The following CPLANE1 variants were observed in gnomAD, a reference collection of about 807,000 sequenced individuals.
CPLANE1 encodes ciliogenesis and planar polarity effector complex subunit 1.
In CPLANE1, 263 loss-of-function variants were observed where a neutral mutation model predicts 362.5. The ratio of observed to expected loss-of-function variants is 0.73; its 90% CI spans 0.66 to 0.80. CPLANE1 has a LOEUF of 0.80. CPLANE1 is among the 30% of genes least tolerant of loss of function. The probability of loss-of-function intolerance (pLI) is 0.00; values close to 1 mark genes in which losing one functional copy is unlikely to be tolerated. For missense variants in CPLANE1, 3,461 were observed against 3,793.4 expected, an observed-to-expected ratio of 0.91 and a Z score of 2.30; for synonymous variants, 1,212 against 1,302.6, an observed-to-expected ratio of 0.93 and a Z score of 1.50.
chr5:37,168,741 A>C (rs1477160771), intron 34 of CPLANE1, 50 bp downstream of exon 34: 1 of 1,495,102 alleles, frequency 6.7e-7, no homozygotes, highest in Admixed American at 1.9e-5. Flanking sequence ...ATGGTATGAA[A>C]AAAATAGTGC....
intron 29 of CPLANE1, among the ~76,000 whole-genome samples, chr5:37,178,617 A>G (rs1781851666): frequency 1.3e-5 from 2 of 151,972 alleles, no homozygotes; most frequent in Non-Finnish European, 2.9e-5. Context: ...TCATCTCGAA[A>G]AAAAAAAACA....
chr5:37,210,549 C>A, intron 16 of CPLANE1: 1 of 1,488,902 alleles, frequency 6.7e-7, no homozygotes, highest in Non-Finnish European at 9.3e-7. Context: ...AAAGGAGGAA[C>A]TCAATCAATC....
chr5:37,190,087 G>A (rs1392444533), intron 21 of CPLANE1, among the ~76,000 whole-genome samples: 1 of 152,042 alleles, frequency 6.6e-6, no homozygotes, highest in Non-Finnish European at 1.5e-5. Context: ...CTTCATATGG[G>A]TGTGTGCATG....
Position 37,187,835 on chromosome 5 carries a change from G to A in CPLANE1, c.3819C>T (p.Phe1273=). ...DEVSIRAIGC[F]RELCALCWML... ...TCCAACACAGAGCACAAAGTTCTCT[G>A]AAGCAACCTAAAGCAGGAACACAAA... Residue 1273 remains phenylalanine, a synonymous_variant, in exon 22 of 53, where the codon TTC becomes TTT. Coordinates refer to ENST00000651892, the MANE Select transcript of CPLANE1 (RefSeq NM_001384732.1). 6.2e-7 allele frequency: 1 copy of A among 1,611,880 alleles called. No homozygotes were observed. Among genetic ancestry groups the A allele is most frequent in the Non-Finnish European group, 8.5e-7 (1 of 1,178,726 alleles).
intron 46 of CPLANE1, among the ~76,000 whole-genome samples, chr5:37,134,773 T>A (rs1767086002): frequency 6.6e-6 from 1 of 151,952 alleles, no homozygotes; most frequent in Admixed American, 6.6e-5. Flanking sequence ...GATATAGGTG[T>A]TTAGTGCTAT....
intron 43 of CPLANE1, among the ~76,000 whole-genome samples, chr5:37,147,105 T>A (rs775604420): frequency 5.3e-4 from 81 of 152,176 alleles, no homozygotes; most frequent in Non-Finnish European, 9.0e-4. Context: ...TCAAGCTGAC[T>A]AATCAGAAAA....
At chr5:37,139,678 A>T (rs1247172644) in intron 44 of CPLANE1, 5 of 373,060 alleles carry the variant, frequency 1.3e-5, no homozygotes, top group African/African-American at 1.1e-4. Flanking sequence ...AACCTCCTGA[A>T]TGGCTGGGAT....
intron 16 of CPLANE1, chr5:37,211,225 C>A: frequency 6.8e-7 from 1 of 1,478,316 alleles, no homozygotes; most frequent in Non-Finnish European, 9.5e-7. Flanking sequence ...GGTAGTTCCC[C>A]TGATTCTGAC....
At position 37,153,731 on chromosome 5, in the gene CPLANE1, G is replaced by A. The variant is rs1580221707; in HGVS notation, c.8373+9C>T. 6.3e-7 allele frequency: 1 copy of A among 1,596,618 alleles called. No homozygotes were observed. On this transcript the variant is annotated intron_variant, in intron 42 of 52. Coordinates refer to ENST00000651892, the MANE Select transcript of CPLANE1 (RefSeq NM_001384732.1). Reference sequence around the variant, plus strand: ...AGCAAACAAAAAACTAAAAATAAAGGTAGTCTACCTTATCACAATGTAGAT... The same window carrying A: ...AGCAAACAAAAAACTAAAAATAAAGATAGTCTACCTTATCACAATGTAGAT...
At chr5:37,213,954 C>T (rs928959880) in intron 15 of CPLANE1, among the ~76,000 whole-genome samples, 2 of 151,962 alleles carry the variant, frequency 1.3e-5, no homozygotes, top group African/African-American at 4.8e-5. Flanking sequence ...GTTTGAACTG[C>T]ATAAATCCAC....
intron 46 of CPLANE1, among the ~76,000 whole-genome samples, chr5:37,136,100 T>C (rs1767633955): frequency 6.6e-6 from 1 of 152,110 alleles, no homozygotes; most frequent in African/African-American, 2.4e-5. Flanking sequence ...CATTCTAGCA[T>C]TAACTCAAAA....
chr5:37,205,549 C>A (rs6878453), intron 17 of CPLANE1, 95 bp from the exon 18 acceptor site: 22 of 833,196 alleles, frequency 2.6e-5, no homozygotes, highest in Non-Finnish European at 3.6e-5. Flanking sequence ...GTTTAAGAAA[C>A]AATGGAATTT....
intron 23 of CPLANE1, among the ~76,000 whole-genome samples, 157 bp from the exon 24 acceptor site, chr5:37,186,551 A>C (rs930451265): frequency 1.3e-5 from 2 of 152,208 alleles, no homozygotes; most frequent in Admixed American, 6.5e-5. Flanking sequence ...CTGTCTGCTA[A>C]TAGGAGTTTA....
chr5:37,172,563 T>G (rs1263536504), intron 32 of CPLANE1, among the ~76,000 whole-genome samples: 1 of 152,118 alleles, frequency 6.6e-6, no homozygotes, highest in Admixed American at 6.5e-5. Flanking sequence ...GTAGAATCAG[T>G]GGTGCTACTA....
chr5:37,239,789 G>A lies in CPLANE1; in HGVS notation c.758C>T (p.Ser253Leu), dbSNP rs370977871. 4.3e-5 allele frequency: 67 copies of A among 1,547,144 alleles called. No individual in the cohort carries two copies. The highest frequency in any genetic ancestry group is 6.8e-5 in the African/African-American group (5 of 73,078). ...SLIPKCESVK[S>L]RGALISAFSR... ...AAAGGCAGAAATTAGAGCTCCTCTT[G>A]ACTTTACTGATTCACATTTAGGAAT... The change falls in exon 7 of 53, where the codon TCA becomes TTA. Residue 253 changes from serine to leucine, a missense_variant. Physicochemically the swap from Ser to Leu is moderately radical, Grantham distance 145. This residue lies in a region of CPLANE1 where 3,380 missense variants were observed against 3,666.1 expected (regional missense o/e 0.92). Coordinates refer to ENST00000651892, the MANE Select transcript of CPLANE1 (RefSeq NM_001384732.1).
chr5:37,157,301 T>C lies in CPLANE1; in HGVS notation c.8119+12A>G, dbSNP rs1452548751. The C allele has an allele frequency of 7.4e-7, 1 of 1,343,568 alleles. No homozygotes were observed. The highest frequency in any genetic ancestry group is 4.5e-5 in the East Asian group (1 of 22,432). The allele number at this position is 1,343,568 out of a possible 1,614,324, so 83.2% of individuals were successfully genotyped here. A position where few individuals can be genotyped will look rare whatever the true frequency, so the allele number is the denominator to read the frequency against. ...TCAGGAGAGGGTCATGCTATACCTC[T>C]TGGCTGTTTACCTTTGTTCTGCTGT... is the stretch of plus-strand genomic sequence containing the variant. On this transcript the variant is annotated intron_variant, in intron 41 of 52. Transcript: ENST00000651892.
rs529885756 is a variant in CPLANE1, at chr5:37,110,803, C to CTT, written c.9401-2334_9401-2333dup. Among the ~76,000 whole-genome samples the CTT allele has an allele frequency of 6.7e-3, 842 of 124,980 alleles. 15 individuals are homozygous for CTT. The highest frequency in any genetic ancestry group is 0.019 in the African/African-American group (615 of 32,778). The allele number at this position is 124,980 out of a possible 152,430, so 82.0% of individuals were successfully genotyped here. Reference sequence around the variant, plus strand: ...CCCAGAACCTGGGCTAATGTATTAACTTTTTTTTTTTTTTTTTTTTTTGAG... The same window carrying CTT: ...CCCAGAACCTGGGCTAATGTATTAACTTTTTTTTTTTTTTTTTTTTTTTTGAG... On this transcript the variant is annotated intron_variant, in intron 51 of 52. Coordinates refer to ENST00000651892, the MANE Select transcript of CPLANE1 (RefSeq NM_001384732.1).
At chr5:37,205,561 C>CT (rs1352323646) in intron 17 of CPLANE1, 107 bp from the exon 18 acceptor site, 67 of 741,616 alleles carry the variant, frequency 9.0e-5, no homozygotes, top group Middle Eastern at 2.8e-4. Context: ...ATGGAATTTA[C>CT]TTTTTTATCT....
In CPLANE1 at chr5:37,224,721, T is replaced by G; in HGVS notation, c.2311A>C (p.Ile771Leu). The G allele has an allele frequency of 6.4e-7, 1 of 1,550,536 alleles. No homozygotes were observed. Among genetic ancestry groups the G allele is most frequent in the Non-Finnish European group, 8.7e-7 (1 of 1,146,220 alleles). Reference protein sequence around the residue: ...PGHRLLILWRILYKKTLWYQA... With the variant: ...PGHRLLILWRLLYKKTLWYQA... ...TACCATAAAGTTTTTTTGTACAGTA[T>G]TCTCCAGAGAATAAGCAATCTGCAC... Residue 771 changes from isoleucine (I) to leucine (L), a missense_variant, in exon 13 of 53, where the codon ATA becomes CTA. By Grantham distance (5) the Ile-to-Leu change is conservative. This residue lies in a region of CPLANE1 where 3,380 missense variants were observed against 3,666.1 expected (regional missense o/e 0.92). Coordinates refer to ENST00000651892, the MANE Select transcript of CPLANE1 (RefSeq NM_001384732.1).
Sources: allele counts gnomAD v4.1 joint callset (sites outside exome capture counted in the v4.1 genomes callset), GRCh38; gene constraint gnomAD v4.1.1; regional missense constraint gnomAD v4.1.1; transcripts MANE v1.5; gene names NCBI Gene and HGNC (gene_info 2026-07-23, HGNC 2026-07-21).